The following DPP10 variants were observed in gnomAD, a reference collection of about 807,000 sequenced individuals.
DPP10 encodes inactive dipeptidyl peptidase 10.
In DPP10, 33 loss-of-function variants were observed where a neutral mutation model predicts 120.9. The observed-to-expected ratio is 0.27, with a 90% CI of 0.21 to 0.37. The LOEUF (loss-of-function observed/expected upper bound fraction) is 0.37, where lower values mean the gene tolerates loss of function less well. Among genes scored for constraint, DPP10 ranks in the 10% least tolerant of loss-of-function variants. The pLI is 1.00. For missense variants in DPP10, 816 were observed against 942.8 expected, an observed-to-expected ratio of 0.87 and a Z score of 1.76; for synonymous variants, 337 against 326.1, an observed-to-expected ratio of 1.03 and a Z score of -0.36.
At chr2:114,593,231 T>C (rs1342595512) in intron 1 of DPP10, among the ~76,000 whole-genome samples, 1 of 152,112 alleles carries the variant, frequency 6.6e-6, no homozygotes, top group Admixed American at 6.6e-5. Flanking sequence ...GGCTGCAGCA[T>C]GAGAAGAAAA....
chr2:114,902,965 C>A (rs1693697295), intron 1 of DPP10, among the ~76,000 whole-genome samples: 1 of 152,164 alleles, frequency 6.6e-6, no homozygotes, highest in Non-Finnish European at 1.5e-5. Context: ...ATCCCTCCCT[C>A]CTCCCTCATT....
At chr2:115,348,452 C>T (rs888461368) in intron 3 of DPP10, among the ~76,000 whole-genome samples, 10 of 151,044 alleles carry the variant, frequency 6.6e-5, no homozygotes, top group Non-Finnish European at 1.5e-4. Context: ...TGTTTTTTCT[C>T]GATTTTTTTC....
At chr2:115,233,040 T>TCTTAATCTTGA (rs61216590) in intron 1 of DPP10, among the ~76,000 whole-genome samples, 16 of 151,984 alleles carry the variant, frequency 1.1e-4, no homozygotes, top group African/African-American at 2.7e-4. Context: ...TCTATCGTCA[T>TCTTAATCTTGA]CTTAATCTTG....
At chr2:114,576,640 G>A (rs1690070871) in intron 1 of DPP10, among the ~76,000 whole-genome samples, 1 of 152,142 alleles carries the variant, frequency 6.6e-6, no homozygotes, top group Non-Finnish European at 1.5e-5. Context: ...AAAGTCTGGA[G>A]TGGCAAGCAA....
rs545205838 is a variant in DPP10 at position 115,539,210 on chromosome 2, G to A, written c.441+13238G>A. On this transcript the variant is annotated intron_variant, in intron 5 of 25. Transcript: ENST00000410059. The stretch of plus-strand genomic sequence containing the variant: ...TTAGCAATTGTGATGAAGGAATTAT[G>A]TAATTGTGGAAAAGGAAAACTCTGG... Among the ~76,000 whole-genome samples, 3 of 152,098 alleles carry A rather than the reference G, an allele frequency of 2.0e-5. No individual in the cohort carries two copies. The South Asian group carries it at 6.2e-4, about 32-fold the overall frequency.
chr2:115,806,403 C>T (rs1685977845), intron 19 of DPP10, among the ~76,000 whole-genome samples: 1 of 152,148 alleles, frequency 6.6e-6, no homozygotes, highest in Non-Finnish European at 1.5e-5. Context: ...ATACTTAGTA[C>T]TATAATCATT....
intron 5 of DPP10, 55 bp from the exon 6 acceptor site, chr2:115,689,632 A>G (rs953285494): frequency 2.7e-6 from 3 of 1,130,584 alleles, no homozygotes; most frequent in South Asian, 1.6e-5. Flanking sequence ...ATATATATAC[A>G]TATATTCACA....
intron 3 of DPP10, among the ~76,000 whole-genome samples, chr2:115,395,421 A>G (rs1028902443): frequency 1.8e-4 from 27 of 152,166 alleles, no homozygotes; most frequent in African/African-American, 6.0e-4. Flanking sequence ...TAGAGCTTTG[A>G]CATGTGGGTT....
chr2:115,655,643 A>G (rs2088240953), intron 5 of DPP10, among the ~76,000 whole-genome samples: 1 of 151,598 alleles, frequency 6.6e-6, no homozygotes. Context: ...TCCTCCTTTC[A>G]TAAGTTTCCT....
chr2:114,704,961 G>A (rs964265642), intron 1 of DPP10, among the ~76,000 whole-genome samples: 4 of 152,132 alleles, frequency 2.6e-5, no homozygotes, highest in African/African-American at 9.7e-5. Context: ...TGAGAAGGTA[G>A]CCATCTACAA....
intron 1 of DPP10, among the ~76,000 whole-genome samples, chr2:115,185,705 AT>A (rs1304946005): frequency 6.6e-6 from 1 of 152,220 alleles, no homozygotes; most frequent in Admixed American, 6.5e-5. Flanking sequence ...CAGATATTTA[AT>A]GATATCCAAT....
intron 5 of DPP10, among the ~76,000 whole-genome samples, chr2:115,609,917 G>T (rs1162688377): frequency 6.6e-6 from 1 of 152,164 alleles, no homozygotes; most frequent in Non-Finnish European, 1.5e-5. Flanking sequence ...CCATTAATCA[G>T]AAATTAATAC....
At chr2:115,008,195 A>G (rs1701996314) in intron 1 of DPP10, among the ~76,000 whole-genome samples, 1 of 129,312 alleles carries the variant, frequency 7.7e-6, no homozygotes, top group African/African-American at 2.9e-5. Flanking sequence ...AGGCTACAGT[A>G]ACCAAAACAG....
At chr2:115,666,917 A>C (rs1033619485) in intron 5 of DPP10, among the ~76,000 whole-genome samples, 2 of 152,120 alleles carry the variant, frequency 1.3e-5, no homozygotes, top group Non-Finnish European at 2.9e-5. Flanking sequence ...CACCAGCAGC[A>C]GTTATTTTTT....
intron 19 of DPP10, among the ~76,000 whole-genome samples, chr2:115,792,676 A>G (rs1402958145): frequency 6.6e-6 from 1 of 151,810 alleles, no homozygotes; most frequent in Non-Finnish European, 1.5e-5. Flanking sequence ...TTTTAACTGT[A>G]TGTATGATTT....
rs371161537 is a variant in DPP10, at chr2:114,598,315, A to G, written c.60+155477A>G. Among the ~76,000 whole-genome samples the G allele has an allele frequency of 1.6e-4, 25 of 152,004 alleles. No individual in the cohort carries two copies. In the East Asian group the frequency reaches 4.3e-3, roughly 26 times the overall value. Reference sequence around the variant, plus strand: ...GGAGGTGGAGATTTTTGAGAAATGTAATGATCAAACTGTGCCTTAAGAAGG... The same window carrying G: ...GGAGGTGGAGATTTTTGAGAAATGTGATGATCAAACTGTGCCTTAAGAAGG... On this transcript the variant is annotated intron_variant, in intron 1 of 25. Transcript: ENST00000410059.
chr2:115,691,114 TC>T (rs1380495757), intron 7 of DPP10, among the ~76,000 whole-genome samples: 45 of 152,002 alleles, frequency 3.0e-4, no homozygotes, highest in African/African-American at 8.5e-4. Flanking sequence ...CATTTTTTAT[TC>T]TTTTTTTTTT....
At chr2:114,768,516 T>G (rs962212405) in intron 1 of DPP10, among the ~76,000 whole-genome samples, 2 of 152,202 alleles carry the variant, frequency 1.3e-5, no homozygotes, top group African/African-American at 2.4e-5. Flanking sequence ...ACTCAAATCA[T>G]CTGGATTTGA....
At chr2:115,749,078 T>C (rs972661955) in intron 10 of DPP10, among the ~76,000 whole-genome samples, 2 of 152,120 alleles carry the variant, frequency 1.3e-5, no homozygotes, top group African/African-American at 2.4e-5. Flanking sequence ...CCAGAACTAG[T>C]GGGAGTTGGA....
Sources: allele counts gnomAD v4.1 joint callset (sites outside exome capture counted in the v4.1 genomes callset), GRCh38; gene constraint gnomAD v4.1.1; transcripts MANE v1.5; gene names NCBI Gene and HGNC (gene_info 2026-07-23, HGNC 2026-07-21).